PTPRQ: variants seen among roughly 807,000 people sequenced by gnomAD.
PTPRQ encodes phosphatidylinositol phosphatase PTPRQ.
A neutral mutation model predicts 246.0 loss-of-function variants in PTPRQ; 199 were observed. That is an observed-to-expected ratio of 0.81 (90% CI 0.72 to 0.91). The LOEUF is 0.91. PTPRQ is among the 40% of genes least tolerant of loss of function. PTPRQ has a pLI of 0.00. For synonymous variants in PTPRQ, 869 were observed against 853.2 expected, an observed-to-expected ratio of 1.02 and a Z score of -0.32; for missense variants, 2,624 against 2,528.4, an observed-to-expected ratio of 1.04 and a Z score of -0.81.
chr12:80,635,925 A>G (rs1899630743), intron 35 of PTPRQ, among the ~76,000 whole-genome samples: 2 of 152,206 alleles, frequency 1.3e-5, no homozygotes, highest in Non-Finnish European at 2.9e-5. Flanking sequence ...AAAATATGGC[A>G]TCAAATGTCT....
chr12:80,658,294 T>C (rs1565845925), intron 39 of PTPRQ, among the ~76,000 whole-genome samples: 1 of 152,070 alleles, frequency 6.6e-6, no homozygotes, highest in Non-Finnish European at 1.5e-5. Flanking sequence ...GATGTTCAAC[T>C]TCAGGCTACA....
chr12:80,671,419 T>C (rs1900966306), intron 42 of PTPRQ, among the ~76,000 whole-genome samples: 1 of 152,082 alleles, frequency 6.6e-6, no homozygotes, highest in Non-Finnish European at 1.5e-5. Flanking sequence ...GGACAGTAGC[T>C]GTCTTCAATT....
intron 21 of PTPRQ, 74 bp downstream of exon 21, chr12:80,541,919 T>A: frequency 6.8e-7 from 1 of 1,466,722 alleles, no homozygotes; most frequent in African/African-American, 1.4e-5. Flanking sequence ...TGATAGGAAA[T>A]AGTCTTCAAT....
rs774241357 is a variant in PTPRQ at position 80,635,025 on chromosome 12, A to C, written c.5867A>C (p.Gln1956Pro). 305 of 1,551,336 alleles carry C rather than the reference A, an allele frequency of 2.0e-4. No individual in the cohort carries two copies. The highest frequency in any genetic ancestry group is 2.5e-4 in the Non-Finnish European group (282 of 1,146,838). The stretch of plus-strand genomic sequence containing the variant: ...ATTGACACTAAATTGAAGCTGGATC[A>C]GCTCATCACAGTGGCAGACCTGGAA... ...EIIDTKLKLD[Q>P]LITVADLELK... is the part of the protein sequence containing the mutation. The change falls in exon 35 of 45, where the codon CAG (glutamine) becomes CCG (proline). Residue 1956 changes from glutamine to proline, a missense_variant. Transcript: ENST00000644991.
At chr12:80,534,215 T>A (rs1895923508) in intron 18 of PTPRQ, 40 bp downstream of exon 18, 5 of 1,430,558 alleles carry the variant, frequency 3.5e-6, no homozygotes, top group Non-Finnish European at 4.6e-6. Flanking sequence ...AATGTTCTTT[T>A]TCTTTAAAAA....
intron 26 of PTPRQ, among the ~76,000 whole-genome samples, chr12:80,592,462 T>C (rs1391619756): frequency 1.3e-5 from 2 of 152,084 alleles, no homozygotes; most frequent in Non-Finnish European, 2.9e-5. Context: ...AAGAGATAAT[T>C]TGAGATTATA....
At chr12:80,523,343 G>GT (rs1371019907) in intron 17 of PTPRQ, among the ~76,000 whole-genome samples, 4 of 152,012 alleles carry the variant, frequency 2.6e-5, no homozygotes, top group South Asian at 2.1e-4. Flanking sequence ...TTTTTGAAGG[G>GT]TTTTTTGTGT....
At chr12:80,605,024 A>C in intron 26 of PTPRQ, 35 bp from the exon 27 acceptor site, 1 of 1,520,368 alleles carries the variant, frequency 6.6e-7, no homozygotes, top group Non-Finnish European at 8.8e-7. Context: ...TACTAATTCT[A>C]ATGTAGCTAG....
At chr12:80,547,087 C>A (rs904495607) in intron 24 of PTPRQ, 6 of 161,704 alleles carry the variant, frequency 3.7e-5, no homozygotes, top group Non-Finnish European at 8.0e-5. Context: ...CTATAATTTT[C>A]TTTTAAGAAG....
intron 9 of PTPRQ, among the ~76,000 whole-genome samples, chr12:80,491,976 A>AT (rs1894462973): frequency 6.6e-6 from 1 of 151,866 alleles, no homozygotes; most frequent in Non-Finnish European, 1.5e-5. Context: ...AAGGAATAGA[A>AT]TTTTTTTAAA....
At chr12:80,447,872 T>A (rs1398623388) in intron 3 of PTPRQ, among the ~76,000 whole-genome samples, 1 of 152,140 alleles carries the variant, frequency 6.6e-6, no homozygotes, top group Non-Finnish European at 1.5e-5. Context: ...AGGATTGCTT[T>A]CATTATTTGG....
At chr12:80,606,685 G>C (rs899026914) in intron 27 of PTPRQ, among the ~76,000 whole-genome samples, 1 of 150,802 alleles carries the variant, frequency 6.6e-6, no homozygotes, top group Non-Finnish European at 1.5e-5. Context: ...CTTAAATGGA[G>C]ATATAATGCT....
intron 23 of PTPRQ, among the ~76,000 whole-genome samples, 157 bp from the exon 24 acceptor site, chr12:80,546,399 C>T (rs1403307263): frequency 6.6e-6 from 1 of 152,076 alleles, no homozygotes; most frequent in African/African-American, 2.4e-5. Flanking sequence ...CTCTATGGCA[C>T]AAAATAAATG....
intron 35 of PTPRQ, 91 bp from the exon 36 acceptor site, chr12:80,648,806 T>G: frequency 8.5e-7 from 1 of 1,174,378 alleles, no homozygotes; most frequent in Non-Finnish European, 1.2e-6. Context: ...CATTATTGAT[T>G]TATTATAATT....
chr12:80,518,448 G>A (rs1477959133), intron 17 of PTPRQ, among the ~76,000 whole-genome samples: 2 of 152,056 alleles, frequency 1.3e-5, no homozygotes, highest in Non-Finnish European at 2.9e-5. Context: ...TTTTCTCTTT[G>A]TTGATTGTTT....
chr12:80,541,498 T>G, intron 20 of PTPRQ, 57 bp from the exon 21 acceptor site: 2 of 1,314,908 alleles, frequency 1.5e-6, no homozygotes, highest in Non-Finnish European at 2.0e-6. Context: ...GTTTGTGAAT[T>G]TAGATTCTGT....
intron 25 of PTPRQ, among the ~76,000 whole-genome samples, chr12:80,571,626 G>A (rs556610001): frequency 2.9e-4 from 44 of 151,618 alleles, no homozygotes; most frequent in Non-Finnish European, 5.9e-4. Context: ...TAATATCCTG[G>A]GTTTTATTCT....
intron 34 of PTPRQ, 31 bp downstream of exon 34, chr12:80,632,322 T>C (rs1402438434): frequency 1.3e-6 from 2 of 1,550,996 alleles, no homozygotes; most frequent in East Asian, 2.4e-5. Context: ...CATTCCAGGA[T>C]GCTTTATGGG....
intron 25 of PTPRQ, among the ~76,000 whole-genome samples, chr12:80,583,434 G>T (rs1167104572): frequency 6.6e-6 from 1 of 152,076 alleles, no homozygotes; most frequent in Non-Finnish European, 1.5e-5. Flanking sequence ...AAGTAGATTA[G>T]GCCTCTTTGG....
Sources: gnomAD v4.1 joint callset for allele counts (sites outside exome capture counted in the v4.1 genomes callset) on GRCh38, gnomAD v4.1.1 for gene constraint, MANE v1.5 for transcripts, NCBI Gene and HGNC (gene_info 2026-07-23, HGNC 2026-07-21) for gene names.